The following ST6GALNAC3 variants were observed in gnomAD, a reference collection of about 807,000 sequenced individuals.
The protein encoded by ST6GALNAC3 is ST6 N-acetylgalactosaminide alpha-2,6-sialyltransferase 3.
In ST6GALNAC3, 25 loss-of-function variants were observed where a neutral mutation model predicts 32.7. That is an observed-to-expected ratio of 0.76 (90% CI 0.56 to 1.07). The LOEUF (loss-of-function observed/expected upper bound fraction) is 1.07. Ranked by LOEUF, ST6GALNAC3 falls within the 50% of genes least tolerant of loss-of-function variation. ST6GALNAC3 has a pLI of 0.00. For missense variants in ST6GALNAC3, 355 were observed against 382.4 expected (o/e 0.93, Z 0.60); for synonymous variants, 129 against 133.1 (o/e 0.97, Z 0.21).
chr1:76,573,664 C>CTTT (rs35242060), intron 3 of ST6GALNAC3, among the ~76,000 whole-genome samples: 2,254 of 147,700 alleles, frequency 0.015, 32 homozygotes, highest in East Asian at 0.049. Flanking sequence ...CTTTCTTCTC[C>CTTT]TTTTTTTTTT....
rs147950348 is a variant in ST6GALNAC3 at position 76,197,950 on chromosome 1, C to T, written c.19-115855C>T. Among the ~76,000 whole-genome samples, 4 of 152,290 alleles carry T rather than the reference C, an allele frequency of 2.6e-5. No individual in the cohort carries two copies. The East Asian group carries it at 7.7e-4, about 29-fold the overall frequency. ...GGTCTCCAGATATTTCAGGTATTTC[C>T]AAATGTACCTTGTGGAAGTAAAATT... On this transcript the variant is annotated intron_variant, in intron 1 of 4. Coordinates refer to ENST00000328299, the MANE Select transcript of ST6GALNAC3 (RefSeq NM_152996.4).
intron 1 of ST6GALNAC3, among the ~76,000 whole-genome samples, chr1:76,123,015 C>T (rs1473930746): frequency 1.3e-5 from 2 of 152,212 alleles, no homozygotes; most frequent in African/African-American, 4.8e-5. Flanking sequence ...CACCCCAGAT[C>T]TCTTGAATCC....
chr1:76,546,783 G>A (rs1385664817), intron 3 of ST6GALNAC3, among the ~76,000 whole-genome samples: 1 of 152,226 alleles, frequency 6.6e-6, no homozygotes, highest in Non-Finnish European at 1.5e-5. Context: ...GGCTGCCTGT[G>A]CAGAAGGGCA....
intron 3 of ST6GALNAC3, among the ~76,000 whole-genome samples, chr1:76,448,710 C>T (rs867193125): frequency 6.6e-6 from 1 of 152,176 alleles, no homozygotes; most frequent in Non-Finnish European, 1.5e-5. Context: ...CAGAAGCTCT[C>T]TTTTTGCCTG....
chr1:76,300,121 A>T (rs1660644050), intron 1 of ST6GALNAC3, among the ~76,000 whole-genome samples: 1 of 152,066 alleles, frequency 6.6e-6, no homozygotes, highest in Admixed American at 6.6e-5. Flanking sequence ...CCAAGGGTTA[A>T]AAAAGGAAGT....
intron 1 of ST6GALNAC3, among the ~76,000 whole-genome samples, chr1:76,254,700 T>C (rs1448174630): frequency 3.3e-5 from 5 of 152,104 alleles, no homozygotes; most frequent in Non-Finnish European, 7.4e-5. Flanking sequence ...TCTCGGATTA[T>C]ACATTAAGCT....
intron 2 of ST6GALNAC3, among the ~76,000 whole-genome samples, chr1:76,364,025 C>A (rs924671687): frequency 6.6e-6 from 1 of 152,146 alleles, no homozygotes; most frequent in Non-Finnish European, 1.5e-5. Context: ...ACCCAAAGCA[C>A]CTTAGCTTCT....
intron 3 of ST6GALNAC3, among the ~76,000 whole-genome samples, chr1:76,607,305 G>A (rs1353655710): frequency 2.0e-5 from 3 of 152,138 alleles, no homozygotes; most frequent in African/African-American, 7.2e-5. Flanking sequence ...TTGTTTAGAG[G>A]TTTTATGGTG....
intron 1 of ST6GALNAC3, among the ~76,000 whole-genome samples, chr1:76,272,716 C>G (rs775338956): frequency 2.4e-4 from 36 of 152,152 alleles, no homozygotes; most frequent in Non-Finnish European, 1.2e-4. Flanking sequence ...CTTGTGAGCC[C>G]TTGGCTGTCC....
intron 3 of ST6GALNAC3, among the ~76,000 whole-genome samples, chr1:76,510,940 T>G (rs979079628): frequency 2.6e-5 from 4 of 152,160 alleles, no homozygotes; most frequent in African/African-American, 7.2e-5. Flanking sequence ...TTTTGCATAA[T>G]CATAAAATTA....
intron 3 of ST6GALNAC3, among the ~76,000 whole-genome samples, chr1:76,523,156 G>A (rs560115074): frequency 6.6e-5 from 10 of 152,042 alleles, no homozygotes; most frequent in East Asian, 3.9e-4. Flanking sequence ...ATACAAAGGC[G>A]TCAACCTTAA....
intron 3 of ST6GALNAC3, among the ~76,000 whole-genome samples, chr1:76,522,865 C>T (rs997730453): frequency 8.5e-5 from 13 of 152,198 alleles, no homozygotes; most frequent in Admixed American, 2.6e-4. Context: ...TGGTTCACAT[C>T]ATTGGTGTTG....
intron 1 of ST6GALNAC3, among the ~76,000 whole-genome samples, chr1:76,090,965 CTT>C (rs1647036569): frequency 6.6e-6 from 1 of 152,184 alleles, no homozygotes; most frequent in African/African-American, 2.4e-5. Context: ...GGTCATTGCC[CTT>C]TGTACTTGGA....
intron 2 of ST6GALNAC3, among the ~76,000 whole-genome samples, chr1:76,359,059 G>A (rs1649720886): frequency 6.6e-6 from 1 of 152,126 alleles, no homozygotes; most frequent in South Asian, 2.1e-4. Flanking sequence ...TCTGAGAGTA[G>A]GGTAGGAAGA....
intron 1 of ST6GALNAC3, among the ~76,000 whole-genome samples, chr1:76,148,979 C>T (rs143515814): frequency 3.4e-4 from 52 of 152,332 alleles, no homozygotes; most frequent in Admixed American, 1.2e-3. Context: ...AGTCAATTCC[C>T]GTTGCCGAGC....
intron 2 of ST6GALNAC3, among the ~76,000 whole-genome samples, chr1:76,402,098 A>G (rs892827832): frequency 6.6e-6 from 1 of 152,170 alleles, no homozygotes; most frequent in African/African-American, 2.4e-5. Flanking sequence ...GAAAGTTAAC[A>G]TTGTTGAAGT....
At chr1:76,625,227 G>C (rs1380177858) in intron 3 of ST6GALNAC3, among the ~76,000 whole-genome samples, 1 of 151,894 alleles carries the variant, frequency 6.6e-6, no homozygotes, top group Non-Finnish European at 1.5e-5. Context: ...TCCCTCACTA[G>C]ACCATGTACT....
At chr1:76,147,207 C>T (rs1232635651) in intron 1 of ST6GALNAC3, among the ~76,000 whole-genome samples, 1 of 151,922 alleles carries the variant, frequency 6.6e-6, no homozygotes, top group Non-Finnish European at 1.5e-5. Context: ...AGATTACAGG[C>T]ACCTGCCACC....
At chr1:76,592,720 C>G (rs572945344) in intron 3 of ST6GALNAC3, among the ~76,000 whole-genome samples, 156 of 152,280 alleles carry the variant, frequency 1.0e-3, no homozygotes, top group Middle Eastern at 6.8e-3. Context: ...TGCCCAAATT[C>G]CTGCTCTTGC....
Sources: allele counts gnomAD v4.1 joint callset (sites outside exome capture counted in the v4.1 genomes callset), GRCh38; gene constraint gnomAD v4.1.1; transcripts MANE v1.5; gene names NCBI Gene and HGNC (gene_info 2026-07-23, HGNC 2026-07-21).